The following TFDP2 variants were observed in gnomAD, a reference collection of about 807,000 sequenced individuals.
The protein encoded by TFDP2 is transcription factor Dp-2 (E2F dimerization partner 2).
TFDP2 carries 17 observed loss-of-function variants against 59.3 expected under a neutral mutation model. The observed-to-expected ratio is 0.29, with a 90% CI of 0.20 to 0.43. The LOEUF (loss-of-function observed/expected upper bound fraction) is 0.43. TFDP2 is among the 20% of genes least tolerant of loss of function. TFDP2 has a pLI of 1.00. For synonymous variants in TFDP2, 180 were observed against 194.7 expected, an observed-to-expected ratio of 0.92 and a Z score of 0.63; for missense variants, 391 against 528.8, an observed-to-expected ratio of 0.74 and a Z score of 2.56.
At position 141,944,476 on chromosome 3, in the gene TFDP2, T is replaced by C. The variant is rs181645621; in HGVS notation, c.*8037A>G. ...TCTATAATACATTTCATTCAAATCA[T>C]AAAAGTCTGATACATTTTTTTCTCA... On this transcript the variant is annotated 3_prime_UTR_variant, in exon 13 of 13. Coordinates refer to ENST00000489671, the MANE Select transcript of TFDP2 (RefSeq NM_001178139.2). The C allele has an allele frequency of 2.6e-5, 4 of 152,360 alleles. No homozygotes were observed. Among genetic ancestry groups the C allele is most frequent in the South Asian group, 2.1e-4 (1 of 4,832 alleles). The allele number at this position is 152,360 out of a possible 1,614,324, so 9.4% of individuals were successfully genotyped here.
At chr3:141,972,390 C>T (rs1939902111) in intron 8 of TFDP2, among the ~76,000 whole-genome samples, 1 of 152,198 alleles carries the variant, frequency 6.6e-6, no homozygotes. Flanking sequence ...CAGAGTGATC[C>T]TTTAAAAAAC....
chr3:142,017,797 C>T (rs1341485787), intron 3 of TFDP2, among the ~76,000 whole-genome samples: 1 of 152,016 alleles, frequency 6.6e-6, no homozygotes, highest in East Asian at 1.9e-4. Flanking sequence ...GTGATCCACC[C>T]GCCTCAGCCT....
intron 4 of TFDP2, among the ~76,000 whole-genome samples, chr3:142,002,155 C>T (rs780103962): frequency 4.6e-5 from 7 of 151,750 alleles, no homozygotes; most frequent in African/African-American, 7.3e-5. Flanking sequence ...CCACCATGTC[C>T]GGCTAATTTT....
At chr3:142,014,560 G>C (rs949432757) in intron 3 of TFDP2, among the ~76,000 whole-genome samples, 5 of 152,012 alleles carry the variant, frequency 3.3e-5, no homozygotes, top group Admixed American at 1.3e-4. Context: ...TAAAATGATG[G>C]AAAAATGTAA....
intron 8 of TFDP2, among the ~76,000 whole-genome samples, chr3:141,970,869 C>T (rs1351347825): frequency 1.3e-5 from 2 of 151,830 alleles, no homozygotes; most frequent in Non-Finnish European, 2.9e-5. Flanking sequence ...TGAGACCAGT[C>T]TGGCCAACAT....
At chr3:141,973,969 A>G (rs551896501) in intron 8 of TFDP2, 79 bp downstream of exon 8, 2 of 1,456,200 alleles carry the variant, frequency 1.4e-6, no homozygotes, top group South Asian at 2.7e-5. Flanking sequence ...ATTTTATATT[A>G]GAATTACATT....
rs1935435381 is a variant in TFDP2 at position 141,947,980 on chromosome 3, T to C, written c.*4533A>G. 6.6e-6 allele frequency: 1 copy of C among 152,280 alleles called. No homozygotes were observed. The highest frequency in any genetic ancestry group is 2.1e-4 in the South Asian group (1 of 4,832). 9.4% of individuals were successfully genotyped at this position (152,280 alleles called of 1,614,324 possible). A position where few individuals can be genotyped will look rare whatever the true frequency, so the allele number is the denominator to read the frequency against. On this transcript the variant is annotated 3_prime_UTR_variant, in exon 13 of 13. Transcript: ENST00000489671. ...AATCAATCTGCACGTGTTCCATCTG[T>C]GATCAAGTTTCCCCAATAGGAGGAG...
intron 1 of TFDP2, among the ~76,000 whole-genome samples, chr3:142,110,473 C>G (rs2108669041): frequency 6.6e-6 from 1 of 151,538 alleles, no homozygotes; most frequent in African/African-American, 2.4e-5. Flanking sequence ...CACTGTACTC[C>G]AGCCTGGGCG....
At chr3:142,092,483 T>C (rs2061027272) in intron 3 of TFDP2, among the ~76,000 whole-genome samples, 1 of 152,070 alleles carries the variant, frequency 6.6e-6, no homozygotes, top group Admixed American at 6.6e-5. Flanking sequence ...CACATCACCA[T>C]GCCCGGCTAA....
rs551928161 is a variant in TFDP2, at chr3:142,007,458, A to G, written c.83-1914T>C. Among the ~76,000 whole-genome samples, 38 of 152,248 alleles carry G rather than the reference A, an allele frequency of 2.5e-4. No individual in the cohort carries two copies. In the South Asian group the frequency reaches 7.5e-3, roughly 30 times the overall value. ...GTTATTTCCTTATTCTAGTTCCTTT[A>G]TGCTAGTGGTCCCCAACCGTTTTAG... On this transcript the variant is annotated intron_variant, in intron 3 of 12. Coordinates refer to ENST00000489671, the MANE Select transcript of TFDP2 (RefSeq NM_001178139.2).
chr3:142,126,945 C>CAAAA (rs780512383), intron 1 of TFDP2, among the ~76,000 whole-genome samples: 1 of 55,454 alleles, frequency 1.8e-5, no homozygotes, highest in Non-Finnish European at 3.8e-5. Context: ...GACCTTGTCT[C>CAAAA]AAAAAAAAAA....
chr3:142,109,432 G>A (rs1464478006), intron 1 of TFDP2, among the ~76,000 whole-genome samples: 1 of 149,974 alleles, frequency 6.7e-6, no homozygotes, highest in African/African-American at 2.5e-5. Context: ...GGGTTCAAGC[G>A]ATCCTCCTGC....
At chr3:142,062,413 G>A (rs1417670113) in intron 3 of TFDP2, among the ~76,000 whole-genome samples, 29 of 149,366 alleles carry the variant, frequency 1.9e-4, no homozygotes, top group African/African-American at 6.4e-4. Flanking sequence ...GTGTGTGTGT[G>A]TGTGTGTGTG....
rs1935548906 is a variant in TFDP2, at chr3:141,948,752, G to A, written c.*3761C>T. 6.6e-6 allele frequency: 1 copy of A among 152,020 alleles called. No homozygotes were observed. Among genetic ancestry groups the A allele is most frequent in the Admixed American group, 6.6e-5 (1 of 15,252 alleles). 9.4% of individuals were successfully genotyped at this position (152,020 alleles called of 1,614,324 possible). A position where few individuals can be genotyped will look rare whatever the true frequency, so the allele number is the denominator to read the frequency against. On this transcript the variant is annotated 3_prime_UTR_variant, in exon 13 of 13. Transcript: ENST00000489671. ...AGTAGCCAAAAAGAGTTGTGGTTTA[G>A]CAAACAGTCAAGTTATAGATGTCTT...
chr3:142,093,681 C>T (rs149938387), intron 2 of TFDP2, among the ~76,000 whole-genome samples: 27 of 152,238 alleles, frequency 1.8e-4, no homozygotes, highest in African/African-American at 5.1e-4. Context: ...GCTTTCAATA[C>T]TATGACATGT....
chr3:142,067,247 T>C (rs894828096), intron 3 of TFDP2, among the ~76,000 whole-genome samples: 2 of 152,110 alleles, frequency 1.3e-5, no homozygotes, highest in Non-Finnish European at 2.9e-5. Context: ...AAAACTCTCC[T>C]GCAACTGATA....
intron 3 of TFDP2, among the ~76,000 whole-genome samples, chr3:142,008,862 G>A (rs1428786079): frequency 6.6e-6 from 1 of 151,844 alleles, no homozygotes; most frequent in Non-Finnish European, 1.5e-5. Flanking sequence ...TTTCCTCATC[G>A]ATGCTTAGGA....
intron 3 of TFDP2, among the ~76,000 whole-genome samples, chr3:142,011,675 T>C (rs75330019): frequency 0.068 from 10,333 of 151,150 alleles, 463 homozygotes; most frequent in Non-Finnish European, 0.11. Flanking sequence ...GAAACCTTTT[T>C]GCATACTAGA....
chr3:142,036,206 G>C (rs1313433143), intron 3 of TFDP2, among the ~76,000 whole-genome samples: 1 of 152,136 alleles, frequency 6.6e-6, no homozygotes. Context: ...GTCCTTAATG[G>C]ATAACTGTTT....
Sources: gnomAD v4.1 joint callset for allele counts (sites outside exome capture counted in the v4.1 genomes callset) on GRCh38, gnomAD v4.1.1 for gene constraint, MANE v1.5 for transcripts, NCBI Gene and HGNC (gene_info 2026-07-23, HGNC 2026-07-21) for gene names.